Variants in NAT14 observed in about 807,000 individuals in gnomAD.
NAT14 encodes probable N-acetyltransferase 14.
In NAT14, 14 loss-of-function variants were observed where a neutral mutation model predicts 12.1. The observed-to-expected ratio is 1.16, with a 90% confidence interval of 0.76 to 1.81. The LOEUF (loss-of-function observed/expected upper bound fraction) is 1.81, where lower values mean the gene tolerates loss of function less well. NAT14 is among the 40% of genes most tolerant of loss of function. The probability of loss-of-function intolerance (pLI) is 0.00; values close to 1 mark genes in which losing one functional copy is unlikely to be tolerated. For missense variants in NAT14, 341 were observed against 304.3 expected (o/e 1.12, Z -0.90); for synonymous variants, 156 against 145.1 (o/e 1.08, Z -0.54).
rs1338820060 is a variant in NAT14 at position 55,486,619 on chromosome 19, G to A, written c.284G>A (p.Gly95Glu). 2 of 1,534,178 alleles carry A rather than the reference G, an allele frequency of 1.3e-6. No homozygotes were observed. The highest frequency in any genetic ancestry group is 1.7e-6 in the Non-Finnish European group (2 of 1,151,184). ...TCGCTGCCTCCGCCGGGTGGCCTGG[G>A]GGGCCCCTGGGTGGCCGTGCGGGGC... ...WGSLPPPGGLGGPWVAVRGSG... is the reference protein window; with the variant it reads ...WGSLPPPGGLEGPWVAVRGSG... Residue 95 changes from glycine to glutamate, a missense_variant, in exon 3 of 3, where the codon GGG (glycine) becomes GAG (glutamate). Physicochemically the swap from Gly to Glu is moderately conservative, Grantham distance 98. Transcript: ENST00000205194.
At chr19:55,486,199 C>A in intron 2 of NAT14, 1 of 655,884 alleles carries the variant, frequency 1.5e-6, no homozygotes, top group Non-Finnish European at 2.4e-6. Flanking sequence ...AATTGAGTGC[C>A]CCCACAGCTC....
Position 55,486,461 on chromosome 19 carries a change from G to A in NAT14, c.126G>A (p.Pro42=). The change falls in exon 3 of 3, where the codon CCG becomes CCA. Residue 42 remains proline, a synonymous_variant. Transcript: ENST00000205194. ...TGGCCCTCCATGCCTTGACACGGCC[G>A]CCGGCCCTGCTCCTCCTGGCGGCGG... ...NRVALHALTR[P]PALLLLAAAS... 6.5e-7 allele frequency: 1 copy of A among 1,544,658 alleles called. No individual in the cohort carries two copies. The highest frequency in any genetic ancestry group is 8.7e-7 in the Non-Finnish European group (1 of 1,155,110).
intron 1 of NAT14, 60 bp from the exon 2 acceptor site, chr19:55,485,601 C>T (rs1315989873): frequency 4.4e-6 from 4 of 916,932 alleles, no homozygotes; most frequent in Non-Finnish European, 5.1e-6. Context: ...CCCTACCCCT[C>T]GGGGGAGCTT....
Position 55,485,679 on chromosome 19 carries a change from C to T in NAT14, c.-30C>T, listed in dbSNP as rs887588566. The T allele has an allele frequency of 1.4e-5, 22 of 1,541,382 alleles. No individual in the cohort carries two copies. The highest frequency in any genetic ancestry group is 1.8e-5 in the Non-Finnish European group (21 of 1,138,024). On this transcript the variant is annotated 5_prime_UTR_variant, in exon 2 of 3. Coordinates refer to ENST00000205194, the MANE Select transcript of NAT14 (RefSeq NM_020378.4). ...TCACCAGGTGCACGACGCCAGCTCCCTTCTGGGGGGCCGGGGCCTGGGGGT... is the reference window on the plus strand; with the variant it reads ...TCACCAGGTGCACGACGCCAGCTCCTTTCTGGGGGGCCGGGGCCTGGGGGT...
At position 55,487,087 on chromosome 19, in the gene NAT14, G is replaced by A. The variant is rs1029539633; in HGVS notation, c.*131G>A. The A allele has an allele frequency of 3.7e-6, 5 of 1,355,236 alleles. No homozygotes were observed. In the African/African-American group the frequency reaches 4.6e-5, roughly 12 times the overall value. 84.0% of individuals were successfully genotyped at this position (1,355,236 alleles called of 1,614,324 possible). A position where few individuals can be genotyped will look rare whatever the true frequency, so the allele number is the denominator to read the frequency against. Reference sequence around the variant, plus strand: ...CAACCACCCTGGGCCCAGAAACAGAGGCCTGCCGAGGGGAGGAGCCTGGCC... The same window carrying A: ...CAACCACCCTGGGCCCAGAAACAGAAGCCTGCCGAGGGGAGGAGCCTGGCC... On this transcript the variant is annotated 3_prime_UTR_variant, in exon 3 of 3. Transcript: ENST00000205194.
chr19:55,485,202 C>T lies in NAT14; in HGVS notation c.-105C>T, dbSNP rs1408963755. 1.3e-5 allele frequency: 2 copies of T among 152,918 alleles called. No individual in the cohort carries two copies. Among genetic ancestry groups the T allele is most frequent in the African/African-American group, 4.8e-5 (2 of 41,486 alleles). 9.5% of individuals were successfully genotyped at this position (152,918 alleles called of 1,614,324 possible). A position where few individuals can be genotyped will look rare whatever the true frequency, so the allele number is the denominator to read the frequency against. ...GGTCTGACGTCACTTCCGCCCGCGA[C>T]CCCCTTCCAGACCCGCTCCCGAAAC... is the stretch of plus-strand genomic sequence containing the variant. On this transcript the variant is annotated 5_prime_UTR_variant, in exon 1 of 3. Transcript: ENST00000205194.
Position 55,487,561 on chromosome 19 carries a change from A to G in NAT14, c.*605A>G, listed in dbSNP as rs541034835. ...TACACCGTTTGTTAATAAAGCCTGA[A>G]ACCGCTGTGTGCCTGTCTCTTCTCT... On this transcript the variant is annotated 3_prime_UTR_variant, in exon 3 of 3. Transcript: ENST00000205194. The G allele has an allele frequency of 2.7e-6, 1 of 376,734 alleles. No homozygotes were observed. The highest frequency in any genetic ancestry group is 3.8e-5 in the East Asian group (1 of 26,470). The allele number at this position is 376,734 out of a possible 1,614,324, so 23.3% of individuals were successfully genotyped here.
chr19:55,485,367 G>C, intron 1 of NAT14, 109 bp downstream of exon 1: 1 of 291,350 alleles, frequency 3.4e-6, no homozygotes, highest in Non-Finnish European at 6.5e-6. Context: ...CATGTGGGGA[G>C]GGTGTTCGTG....
intron 1 of NAT14, 74 bp from the exon 2 acceptor site, chr19:55,485,587 T>C: frequency 1.3e-6 from 1 of 792,964 alleles, no homozygotes; most frequent in Non-Finnish European, 2.1e-6. Flanking sequence ...GTGCCGTTGC[T>C]GCTCCCTACC....
In NAT14 at chr19:55,486,372, C is replaced by A. The variant is rs1323575052; in HGVS notation, c.73-36C>A. 9 of 1,411,000 alleles carry A rather than the reference C, an allele frequency of 6.4e-6. No homozygotes were observed. The South Asian group carries it at 1.4e-4, about 22-fold the overall frequency. 87.4% of individuals were successfully genotyped at this position (1,411,000 alleles called of 1,614,324 possible). On this transcript the variant is annotated intron_variant, in intron 2 of 2. Coordinates refer to ENST00000205194, the MANE Select transcript of NAT14 (RefSeq NM_020378.4). ...CCTCTCTTTGTCCAGGAGGCCCTAG[C>A]GTTTCGGATGGCTGAGCCACCCCTC...
chr19:55,485,635 C>G, intron 1 of NAT14, 26 bp from the exon 2 acceptor site: 1 of 1,287,792 alleles, frequency 7.8e-7, no homozygotes, highest in African/African-American at 1.5e-5. Context: ...GCCCCCCTGA[C>G]GCTGACCTAC....
At position 55,486,468 on chromosome 19, in the gene NAT14, C is replaced by T; in HGVS notation, c.133C>T (p.Leu45=). ...ALHALTRPPA[L]LLLAAASSGL... ...CCATGCCTTGACACGGCCGCCGGCC[C>T]TGCTCCTCCTGGCGGCGGCCAGCAG... Residue 45 remains leucine (L), a synonymous_variant, in exon 3 of 3, where the codon CTG becomes TTG. Transcript: ENST00000205194. The T allele has an allele frequency of 6.4e-7, 1 of 1,555,040 alleles. No individual in the cohort carries two copies. Among genetic ancestry groups the T allele is most frequent in the Non-Finnish European group, 8.6e-7 (1 of 1,159,424 alleles).
In NAT14 at chr19:55,486,987, G is replaced by A. The variant is rs545689971; in HGVS notation, c.*31G>A. Reference sequence around the variant, plus strand: ...CAGACTGACAGCCAGGGCAGGGGAGGAGGGAGGGGCGCCAGCACCTGATGA... The same window carrying A: ...CAGACTGACAGCCAGGGCAGGGGAGAAGGGAGGGGCGCCAGCACCTGATGA... On this transcript the variant is annotated 3_prime_UTR_variant, in exon 3 of 3. Transcript: ENST00000205194. The A allele has an allele frequency of 6.5e-7, 1 of 1,528,122 alleles. No individual in the cohort carries two copies. Among genetic ancestry groups the A allele is most frequent in the South Asian group, 1.2e-5 (1 of 83,396 alleles). 94.7% of individuals were successfully genotyped at this position (1,528,122 alleles called of 1,614,324 possible).
chr19:55,486,825 CG>C lies in NAT14; in HGVS notation c.492del (p.Leu165SerfsTer35). The C allele has an allele frequency of 1.3e-6, 2 of 1,505,542 alleles. No homozygotes were observed. The highest frequency in any genetic ancestry group is 1.8e-6 in the Non-Finnish European group (2 of 1,133,714). 93.3% of individuals were successfully genotyped at this position (1,505,542 alleles called of 1,614,324 possible). A position where few individuals can be genotyped will look rare whatever the true frequency, so the allele number is the denominator to read the frequency against. Reference sequence around the variant, plus strand: ...TGGGGGCATGGGGGAGCCCCGGGCCCGGCTCGTGGTCCCCGTGGCTGTGGCC... The same window carrying C: ...TGGGGGCATGGGGGAGCCCCGGGCCCGCTCGTGGTCCCCGTGGCTGTGGCC... ...WAGGMGEPRA[R>X]LVVPVAVAAW... On this transcript the variant is annotated frameshift_variant, in exon 3 of 3. Coordinates refer to ENST00000205194, the MANE Select transcript of NAT14 (RefSeq NM_020378.4). LOFTEE classifies it high-confidence loss of function.
rs984476133 is a variant in NAT14, at chr19:55,485,189, C to T, written c.-118C>T. On this transcript the variant is annotated 5_prime_UTR_variant, in exon 1 of 3. Transcript: ENST00000205194. ...CCCCACCGCGCGCGGTCTGACGTCA[C>T]TTCCGCCCGCGACCCCCTTCCAGAC... is the stretch of plus-strand genomic sequence containing the variant. The T allele has an allele frequency of 1.3e-5, 2 of 152,882 alleles. No homozygotes were observed. Among genetic ancestry groups the T allele is most frequent in the Non-Finnish European group, 2.9e-5 (2 of 68,506 alleles). 9.5% of individuals were successfully genotyped at this position (152,882 alleles called of 1,614,324 possible).
At position 55,487,525 on chromosome 19, in the gene NAT14, G is replaced by A. The variant is rs1986965217; in HGVS notation, c.*569G>A. The A allele has an allele frequency of 7.6e-6, 3 of 393,910 alleles. No individual in the cohort carries two copies. The highest frequency in any genetic ancestry group is 4.4e-5 in the Admixed American group (1 of 22,610). The allele number at this position is 393,910 out of a possible 1,614,324, so 24.4% of individuals were successfully genotyped here. A position where few individuals can be genotyped will look rare whatever the true frequency, so the allele number is the denominator to read the frequency against. Reference sequence around the variant, plus strand: ...CAGCCCTGTCCCTTCCTCCAGATCCGTCTGGTTTTTTACACCGTTTGTTAA... The same window carrying A: ...CAGCCCTGTCCCTTCCTCCAGATCCATCTGGTTTTTTACACCGTTTGTTAA... On this transcript the variant is annotated 3_prime_UTR_variant, in exon 3 of 3. Coordinates refer to ENST00000205194, the MANE Select transcript of NAT14 (RefSeq NM_020378.4).
chr19:55,485,656 A>G lies in NAT14; in HGVS notation c.-48-5A>G. ...CTGACGCTGACCTACTTATGTTCTC[A>G]CCAGGTGCACGACGCCAGCTCCCTT... is the stretch of plus-strand genomic sequence containing the variant. On this transcript the variant is annotated splice_region_variant and splice_polypyrimidine_tract_variant and intron_variant, in intron 1 of 2. Coordinates refer to ENST00000205194, the MANE Select transcript of NAT14 (RefSeq NM_020378.4). 6.9e-7 allele frequency: 1 copy of G among 1,454,348 alleles called. No individual in the cohort carries two copies. Among genetic ancestry groups the G allele is most frequent in the South Asian group, 1.2e-5 (1 of 82,216 alleles). 90.1% of individuals were successfully genotyped at this position (1,454,348 alleles called of 1,614,324 possible).
chr19:55,485,864 C>T lies in NAT14; in HGVS notation c.72+84C>T, dbSNP rs375281571. The stretch of plus-strand genomic sequence containing the variant: ...GATTCAGCCACCCCCTCCCACCCAC[C>T]TGAGCCAGCCTGGACCCCTGGAGCG... On this transcript the variant is annotated intron_variant, in intron 2 of 2. Coordinates refer to ENST00000205194, the MANE Select transcript of NAT14 (RefSeq NM_020378.4). The T allele has an allele frequency of 4.8e-5, 50 of 1,044,330 alleles. No homozygotes were observed. In the African/African-American group the frequency reaches 6.3e-4, roughly 13 times the overall value. 64.7% of individuals were successfully genotyped at this position (1,044,330 alleles called of 1,614,324 possible).
rs1013247441 is a variant in NAT14, at chr19:55,485,691, C to T, written c.-18C>T. On this transcript the variant is annotated 5_prime_UTR_variant, in exon 2 of 3. Transcript: ENST00000205194. ...CGACGCCAGCTCCCTTCTGGGGGGC[C>T]GGGGCCTGGGGGTTGCCATGGCCCC... is the stretch of plus-strand genomic sequence containing the variant. 62 of 1,546,752 alleles carry T rather than the reference C, an allele frequency of 4.0e-5. No individual in the cohort carries two copies. The highest frequency in any genetic ancestry group is 1.6e-4 in the African/African-American group (12 of 72,918).
Sources: allele counts gnomAD v4.1 joint callset, GRCh38; gene constraint gnomAD v4.1.1; transcripts MANE v1.5; gene names NCBI Gene and HGNC (gene_info 2026-07-23, HGNC 2026-07-21).